The following SNX30 variants were observed in gnomAD, a reference collection of about 807,000 sequenced individuals.
SNX30 encodes the protein sorting nexin family member 30.
In SNX30, 24 loss-of-function variants were observed where a neutral mutation model predicts 46.4. The ratio of observed to expected loss-of-function variants is 0.52; its 90% confidence interval spans 0.37 to 0.73. SNX30 has a LOEUF of 0.73. Ranked by LOEUF, SNX30 falls within the 30% of genes least tolerant of loss-of-function variation. The probability of loss-of-function intolerance (pLI) is 0.00; values close to 1 mark genes in which losing one functional copy is unlikely to be tolerated. For missense variants in SNX30, 533 were observed against 555.7 expected (o/e 0.96, Z 0.41); for synonymous variants, 189 against 211.5 (o/e 0.89, Z 0.92).
At chr9:112,782,153 A>G (rs1278379030) in intron 1 of SNX30, among the ~76,000 whole-genome samples, 2 of 151,512 alleles carry the variant, frequency 1.3e-5, no homozygotes, top group African/African-American at 4.9e-5. Flanking sequence ...TGCACCCTCT[A>G]CCTTCCGGGT....
chr9:112,788,963 T>A (rs1327602476), intron 1 of SNX30, among the ~76,000 whole-genome samples: 1 of 152,050 alleles, frequency 6.6e-6, no homozygotes, highest in African/African-American at 2.4e-5. Flanking sequence ...GCCCAGCTAA[T>A]TTTTGTATTT....
intron 1 of SNX30, among the ~76,000 whole-genome samples, chr9:112,754,171 G>A (rs1462798915): frequency 1.3e-5 from 2 of 152,222 alleles, no homozygotes; most frequent in African/African-American, 4.8e-5. Flanking sequence ...GAGGGCCCAA[G>A]ATGGTGCGAT....
At chr9:112,763,605 T>C (rs768342320) in intron 1 of SNX30, among the ~76,000 whole-genome samples, 6 of 151,628 alleles carry the variant, frequency 4.0e-5, no homozygotes, top group Admixed American at 3.3e-4. Context: ...AATCCCAGCA[T>C]TTTGGGAGGC....
chr9:112,879,873 G>C, downstream of SNX30: 1 of 1,515,504 alleles, frequency 6.6e-7, no homozygotes, highest in Non-Finnish European at 9.2e-7. Flanking sequence ...TGGGGTAAAG[G>C]TGAAACTGCC....
chr9:112,868,030 T>C (rs2131515670), intron 8 of SNX30, among the ~76,000 whole-genome samples: 1 of 152,304 alleles, frequency 6.6e-6, no homozygotes, highest in East Asian at 1.9e-4. Flanking sequence ...GTTGGTGTAG[T>C]GGAGAGAACA....
At chr9:112,777,600 ATTTTTTTTTT>A (rs55784760) in intron 1 of SNX30, among the ~76,000 whole-genome samples, 8 of 75,592 alleles carry the variant, frequency 1.1e-4, no homozygotes, top group Admixed American at 5.7e-4. Flanking sequence ...CTAGTTTTTA[ATTTTTTTTTT>A]TTTTTTTTTT....
intron 2 of SNX30, 96 bp downstream of exon 2, chr9:112,805,063 C>A: frequency 1.2e-6 from 1 of 818,206 alleles, no homozygotes; most frequent in Non-Finnish European, 1.8e-6. Context: ...CCTTATTGTA[C>A]AACTCTGTTC....
downstream of SNX30, among the ~76,000 whole-genome samples, chr9:112,882,690 G>C: frequency 6.6e-6 from 1 of 152,014 alleles, no homozygotes; most frequent in East Asian, 1.9e-4. Flanking sequence ...GATTGGAGGT[G>C]GGGGGAGATG....
rs1360323778 is a variant in SNX30 at position 112,869,964 on chromosome 9, A to G, written c.*1121A>G. The G allele has an allele frequency of 6.6e-6, 1 of 152,216 alleles. No homozygotes were observed. Among genetic ancestry groups the G allele is most frequent in the African/African-American group, 2.4e-5 (1 of 41,454 alleles). 9.4% of individuals were successfully genotyped at this position (152,216 alleles called of 1,614,324 possible). A position where few individuals can be genotyped will look rare whatever the true frequency, so the allele number is the denominator to read the frequency against. On this transcript the variant is annotated 3_prime_UTR_variant, in exon 9 of 9. Transcript: ENST00000374232. ...CTTTAACCCTTAACATTTCCTGGTC[A>G]GGAAGGAAAATCAGTACCTGGACGG...
At chr9:112,757,280 A>C (rs1213498531) in intron 1 of SNX30, among the ~76,000 whole-genome samples, 1 of 152,236 alleles carries the variant, frequency 6.6e-6, no homozygotes, top group Non-Finnish European at 1.5e-5. Flanking sequence ...TGCACTTAGC[A>C]TAATTTCCTT....
chr9:112,813,571 C>G (rs1324953174), intron 2 of SNX30, among the ~76,000 whole-genome samples: 1 of 150,034 alleles, frequency 6.7e-6, no homozygotes, highest in Non-Finnish European at 1.5e-5. Flanking sequence ...CAGGTTCAAG[C>G]AGTTCTCCTG....
In SNX30 at chr9:112,838,537, C is replaced by T. The variant is rs192545589; in HGVS notation, c.854C>T (p.Ser285Phe). 1,234 of 1,614,172 alleles carry T rather than the reference C, an allele frequency of 7.6e-4. 7 individuals carry two copies. Among genetic ancestry groups the T allele is most frequent in the South Asian group, 5.1e-3 (465 of 91,078 alleles). ...VELREYGPVY[S>F]TWSALEGELA... ...CTGAGAGAATACGGGCCTGTGTACT[C>T]CACATGGAGCGCCTTGGAGGGTGAG... Residue 285 changes from serine to phenylalanine, a missense_variant, in exon 6 of 9, where the codon TCC (serine) becomes TTC (phenylalanine). Ser to Phe is a radical substitution (Grantham distance 155, BLOSUM62 -2). Coordinates refer to ENST00000374232, the MANE Select transcript of SNX30 (RefSeq NM_001012994.2).
chr9:112,885,623 A>T (rs1841633239), downstream of SNX30: 1 of 152,164 alleles, frequency 6.6e-6, no homozygotes, highest in African/African-American at 2.4e-5. Context: ...ATCTAGATGT[A>T]CTGTAAGTGT....
intron 8 of SNX30, among the ~76,000 whole-genome samples, chr9:112,865,661 A>G (rs201637719): frequency 0.76 from 79,968 of 105,628 alleles, 30,876 homozygotes; most frequent in East Asian, 0.82. Context: ...ATATATATAT[A>G]TGTATGTATG....
At chr9:112,766,188 G>C (rs1156897641) in intron 1 of SNX30, among the ~76,000 whole-genome samples, 2 of 152,146 alleles carry the variant, frequency 1.3e-5, no homozygotes, top group African/African-American at 4.8e-5. Flanking sequence ...TATTCATCCT[G>C]TCATGGAAAA....
intron 1 of SNX30, among the ~76,000 whole-genome samples, chr9:112,790,483 G>A (rs1424631726): frequency 6.6e-6 from 1 of 152,146 alleles, no homozygotes; most frequent in Admixed American, 6.5e-5. Context: ...TACTTTCAAA[G>A]TCGAGGAGCA....
At chr9:112,858,895 C>T (rs965512210) in intron 7 of SNX30, among the ~76,000 whole-genome samples, 7 of 152,044 alleles carry the variant, frequency 4.6e-5, no homozygotes, top group African/African-American at 1.7e-4. Flanking sequence ...CTCCCTCAGC[C>T]CCACCTTTCC....
intron 8 of SNX30, among the ~76,000 whole-genome samples, chr9:112,865,723 A>ACATACATACACATT (rs1326682152): frequency 1.4e-5 from 2 of 146,984 alleles, no homozygotes; most frequent in African/African-American, 2.5e-5. Context: ...ACATATACAT[A>ACATACATACACATT]CATACATACA....
chr9:112,783,902 T>G (rs1839882334), intron 1 of SNX30, among the ~76,000 whole-genome samples: 1 of 152,204 alleles, frequency 6.6e-6, no homozygotes, highest in Non-Finnish European at 1.5e-5. Context: ...TATGTTAAGG[T>G]GTACCCAGTG....
Sources: allele counts gnomAD v4.1 joint callset (sites outside exome capture counted in the v4.1 genomes callset), GRCh38; gene constraint gnomAD v4.1.1; transcripts MANE v1.5; gene names NCBI Gene and HGNC (gene_info 2026-07-23, HGNC 2026-07-21).